Variants in VWA3A observed in about 807,000 individuals in gnomAD.
VWA3A encodes von Willebrand factor A domain containing 3A.
VWA3A carries 134 observed loss-of-function variants against 160.4 expected under a neutral mutation model. That is an observed-to-expected ratio of 0.84 (90% CI 0.73 to 0.96). The LOEUF is 0.96. Ranked by LOEUF, VWA3A falls within the 40% of genes least tolerant of loss-of-function variation. The pLI is 0.00. For synonymous variants in VWA3A, 476 were observed against 543.4 expected, an observed-to-expected ratio of 0.88 and a Z score of 1.72; for missense variants, 1,310 against 1,447.9, an observed-to-expected ratio of 0.90 and a Z score of 1.55.
At chr16:22,140,083 G>C in intron 22 of VWA3A, 71 bp from the exon 23 acceptor site, 2 of 1,469,970 alleles carry the variant, frequency 1.4e-6, no homozygotes, top group Non-Finnish European at 1.9e-6. Flanking sequence ...GACAAATTGA[G>C]GTCAGGGTAA....
chr16:22,150,654 G>C (rs1396176293), intron 29 of VWA3A, 41 bp from the exon 30 acceptor site: 5 of 1,569,996 alleles, frequency 3.2e-6, no homozygotes, highest in Admixed American at 3.7e-5. Context: ...TTCTGGGTGA[G>C]CCTCTCCCCT....
intron 6 of VWA3A, among the ~76,000 whole-genome samples, chr16:22,105,467 T>C (rs1379242238): frequency 2.6e-5 from 4 of 152,228 alleles, no homozygotes; most frequent in Non-Finnish European, 4.4e-5. Flanking sequence ...CTCGCTTCTC[T>C]GGATCTGTGT....
chr16:22,152,684 A>C, intron 31 of VWA3A, 50 bp downstream of exon 31: 1 of 1,561,344 alleles, frequency 6.4e-7, no homozygotes, highest in Non-Finnish European at 8.7e-7. Context: ...GGCTCGATAA[A>C]ATATCAACAG....
At chr16:22,134,534 A>G (rs991336006) in intron 21 of VWA3A, 96 bp downstream of exon 21, 9 of 1,045,040 alleles carry the variant, frequency 8.6e-6, no homozygotes, top group African/African-American at 1.6e-5. Flanking sequence ...TAAAATAACA[A>G]CCATTGATTC....
intron 6 of VWA3A, among the ~76,000 whole-genome samples, chr16:22,108,866 G>C (rs1028412077): frequency 3.3e-5 from 5 of 152,128 alleles, no homozygotes; most frequent in Non-Finnish European, 5.9e-5. Flanking sequence ...ATCAGGACGT[G>C]GCCCCATCAT....
intron 14 of VWA3A, among the ~76,000 whole-genome samples, chr16:22,122,288 GATGGATGGATGGATGGATGGATGC>G (rs2045754060): frequency 6.6e-6 from 1 of 151,554 alleles, no homozygotes; most frequent in African/African-American, 2.4e-5. Flanking sequence ...TGGGTGGATG[GATGGATGGATGGATGGATGGATGC>G]ATGGATGGAT....
chr16:22,155,225 G>T (rs1341845172), intron 31 of VWA3A, among the ~76,000 whole-genome samples: 1 of 152,092 alleles, frequency 6.6e-6, no homozygotes, highest in African/African-American at 2.4e-5. Context: ...TGGCTGAACA[G>T]ATTCTACTGA....
chr16:22,115,404 G>A lies in VWA3A; in HGVS notation c.747G>A (p.Leu249=), dbSNP rs368919567. ...KTLQPDGGSN[L]LQALKKIFTL... The stretch of plus-strand genomic sequence containing the variant: ...TGCAGCCTGATGGAGGCAGCAACCT[G>A]CTACAAGCTCTGAAGAAGATCTTCA... The change falls in exon 9 of 34, where the codon CTG becomes CTA. Residue 249 remains leucine, a synonymous_variant. Coordinates refer to ENST00000389398, the MANE Select transcript of VWA3A (RefSeq NM_173615.5). 1.5e-4 allele frequency: 247 copies of A among 1,603,742 alleles called. 2 individuals carry two copies. The South Asian group carries it at 2.6e-3, about 17-fold the overall frequency.
chr16:22,130,277 G>A (rs1206704980), intron 17 of VWA3A, among the ~76,000 whole-genome samples: 5 of 152,156 alleles, frequency 3.3e-5, no homozygotes, highest in Admixed American at 6.6e-5. Context: ...TTGTCCACAA[G>A]GGGAAAGAGA....
At chr16:22,145,555 C>T (rs1340619177) in intron 26 of VWA3A, among the ~76,000 whole-genome samples, 4 of 151,524 alleles carry the variant, frequency 2.6e-5, no homozygotes, top group African/African-American at 9.7e-5. Flanking sequence ...AGGAAAATCG[C>T]TTGAACCCGG....
rs140107522 is a variant in VWA3A at position 22,132,945 on chromosome 16, C to T, written c.1918C>T (p.Leu640Phe). The T allele has an allele frequency of 5.9e-4, 959 of 1,613,938 alleles. 6 individuals carry two copies. The African/African-American group carries it at 0.011, about 18-fold the overall frequency. ...YMAEACGGCD[L>F]QLNVCLFYVG... The stretch of plus-strand genomic sequence containing the variant: ...GGCTGAGGCCTGTGGCGGCTGCGAC[C>T]TCCAGCTGAACGTGTGTCTCTTCTA... The change falls in exon 20 of 34, where the codon CTC (leucine) becomes TTC (phenylalanine). Residue 640 changes from leucine to phenylalanine, a missense_variant. Leu to Phe is a conservative substitution (Grantham distance 22). Transcript: ENST00000389398.
chr16:22,100,557 G>A (rs952369695), intron 5 of VWA3A, 64 bp downstream of exon 5: 29 of 1,476,244 alleles, frequency 2.0e-5, no homozygotes, highest in African/African-American at 4.2e-5. Context: ...ATTTCAGTCC[G>A]GGCATGGTGG....
In VWA3A at chr16:22,144,347, C is replaced by T. The variant is rs763005077; in HGVS notation, c.2693C>T (p.Ala898Val). Reference protein sequence around the residue: ...HQKSGQRSASAKHCSIFPSVE... With the variant: ...HQKSGQRSASVKHCSIFPSVE... The stretch of plus-strand genomic sequence containing the variant: ...AAGTCAGGACAGAGGTCAGCATCCG[C>T]CAAACACTGCAGCATCTTCCCCAGC... The change falls in exon 26 of 34, where the codon GCC becomes GTC. Residue 898 changes from alanine to valine, a missense_variant. Transcript: ENST00000389398. The T allele has an allele frequency of 3.1e-6, 5 of 1,613,794 alleles. No homozygotes were observed. Among genetic ancestry groups the T allele is most frequent in the South Asian group, 1.1e-5 (1 of 91,074 alleles).
chr16:22,142,949 G>A (rs988663775), intron 25 of VWA3A, among the ~76,000 whole-genome samples, 184 bp downstream of exon 25: 30 of 152,104 alleles, frequency 2.0e-4, no homozygotes, highest in Admixed American at 1.8e-3. Flanking sequence ...TCAGGAGTTC[G>A]AGACCACCTG....
chr16:22,130,629 G>A (rs2045930873), intron 17 of VWA3A, among the ~76,000 whole-genome samples: 1 of 152,046 alleles, frequency 6.6e-6, no homozygotes, highest in Admixed American at 6.6e-5. Flanking sequence ...TTTGAGATGG[G>A]ATCTCACTCC....
At chr16:22,118,778 A>G in intron 11 of VWA3A, 124 bp from the exon 12 acceptor site, 1 of 1,308,148 alleles carries the variant, frequency 7.6e-7, no homozygotes, top group South Asian at 1.4e-5. Context: ...CCCAGTGTAT[A>G]AGGCCTGGTG....
intron 6 of VWA3A, among the ~76,000 whole-genome samples, chr16:22,106,810 C>G (rs1400220462): frequency 1.3e-5 from 2 of 152,182 alleles, no homozygotes; most frequent in African/African-American, 4.8e-5. Context: ...ACGATGGAGG[C>G]TTGGACTCAA....
rs1422613644 is a variant in VWA3A at position 22,123,110 on chromosome 16, A to G, written c.1382A>G (p.His461Arg). 1 of 1,606,060 alleles carries G rather than the reference A, an allele frequency of 6.2e-7. No individual in the cohort carries two copies. Among genetic ancestry groups the G allele is most frequent in the East Asian group, 2.2e-5 (1 of 44,750 alleles). The change falls in exon 15 of 34, where the codon CAC becomes CGC. Residue 461 changes from histidine to arginine, a missense_variant. Physicochemically the swap from His to Arg is conservative, Grantham distance 29. Transcript: ENST00000389398. ...AAGGCAATGATACAATTTGAATGGCACGACGGGACAGTGAAGAACATTCAT... is the reference window on the plus strand; with the variant it reads ...AAGGCAATGATACAATTTGAATGGCGCGACGGGACAGTGAAGAACATTCAT... ...HEKAMIQFEW[H>R]DGTVKNIHVD...
At chr16:22,144,134 C>T (rs886987035) in intron 25 of VWA3A, 113 bp from the exon 26 acceptor site, 10 of 1,317,714 alleles carry the variant, frequency 7.6e-6, no homozygotes, top group African/African-American at 1.5e-5. Context: ...CTGGGAATCC[C>T]ACATTTCAAA....
Sources: allele counts gnomAD v4.1 joint callset (sites outside exome capture counted in the v4.1 genomes callset), GRCh38; gene constraint gnomAD v4.1.1; transcripts MANE v1.5; gene names NCBI Gene and HGNC (gene_info 2026-07-23, HGNC 2026-07-21).